Variants in VAMP2 observed in about 807,000 individuals in gnomAD.
The protein encoded by VAMP2 is vesicle associated membrane protein 2.
For synonymous variants in VAMP2, 67 were observed against 57.3 expected (o/e 1.17, Z -0.76); for missense variants, 95 against 151.3 (o/e 0.63, Z 1.95).
rs1360379524 is a variant in VAMP2, at chr17:8,160,295, T to G, written c.*560A>C. 1 of 151,422 alleles carries G rather than the reference T, an allele frequency of 6.6e-6. No individual in the cohort carries two copies. Among genetic ancestry groups the G allele is most frequent in the Non-Finnish European group, 1.5e-5 (1 of 67,930 alleles). The allele number at this position is 151,422 out of a possible 1,614,324, so 9.4% of individuals were successfully genotyped here. On this transcript the variant is annotated 3_prime_UTR_variant, in exon 5 of 5. Coordinates refer to ENST00000316509, the MANE Select transcript of VAMP2 (RefSeq NM_014232.3). ...CTGGACGCTCCCAAAGACCTTGGGA[T>G]TCTTAGGACCAAGTGGGGCCAGTCT...
rs1007407691 is a variant in VAMP2, at chr17:8,160,050, G to A, written c.*805C>T. 1 of 152,252 alleles carries A rather than the reference G, an allele frequency of 6.6e-6. No homozygotes were observed. Among genetic ancestry groups the A allele is most frequent in the African/African-American group, 2.4e-5 (1 of 41,404 alleles). 9.4% of individuals were successfully genotyped at this position (152,252 alleles called of 1,614,324 possible). On this transcript the variant is annotated 3_prime_UTR_variant, in exon 5 of 5. Coordinates refer to ENST00000316509, the MANE Select transcript of VAMP2 (RefSeq NM_014232.3). ...GTAAGGGAGGCAAACTGGACTAGAG[G>A]GGCTAGGAGGAGGCAATGCTGGGGA...
Position 8,162,234 on chromosome 17 carries a change from T to TC in VAMP2, c.123+14dup, listed in dbSNP as rs771496944. On this transcript the variant is annotated intron_variant, in intron 2 of 4. Transcript: ENST00000316509. ...CAGGGTCCCTCCTACTGCTTTTGAC[T>TC]CCCCCCACACTCACCTCATCCACCT... The TC allele has an allele frequency of 4.6e-6, 7 of 1,515,508 alleles. No homozygotes were observed. The highest frequency in any genetic ancestry group is 1.4e-5 in the African/African-American group (1 of 70,814). The allele number at this position is 1,515,508 out of a possible 1,614,324, so 93.9% of individuals were successfully genotyped here. A position where few individuals can be genotyped will look rare whatever the true frequency, so the allele number is the denominator to read the frequency against.
At chr17:8,162,156 A>C (rs1983333495) in intron 2 of VAMP2, 93 bp downstream of exon 2, 6 of 1,478,908 alleles carry the variant, frequency 4.1e-6, no homozygotes, top group Non-Finnish European at 5.4e-6. Flanking sequence ...CACAGGCGTG[A>C]ACTGTCATCA....
rs770555886 is a variant in VAMP2 at position 8,161,713 on chromosome 17, C to T, written c.177G>A (p.Lys59=). The change falls in exon 3 of 5, where the codon AAG becomes AAA. Residue 59 remains lysine, a synonymous_variant. Transcript: ENST00000316509. The part of the protein sequence containing the change: ...NVDKVLERDQ[K]LSELDDRADA... ...CTGCACGGTCGTCCAGCTCCGACAG[C>T]TTCTGGTCTCGCTCCAGGACCTTGT... 7.4e-6 allele frequency: 12 copies of T among 1,614,086 alleles called. No individual in the cohort carries two copies. The Admixed American group carries it at 2.0e-4, about 27-fold the overall frequency.
At chr17:8,160,978 C>T (rs1472415519) in intron 4 of VAMP2, 107 bp from the exon 5 acceptor site, 23 of 991,876 alleles carry the variant, frequency 2.3e-5, no homozygotes, top group Non-Finnish European at 3.2e-5. Context: ...TCCCCACTCC[C>T]CAGCTGGCTG....
chr17:8,162,798 C>T, intron 1 of VAMP2, 80 bp downstream of exon 1: 2 of 1,217,488 alleles, frequency 1.6e-6, no homozygotes, highest in Non-Finnish European at 2.0e-6. Context: ...GGAGAGACCC[C>T]GGGCACTCCC....
intron 2 of VAMP2, 55 bp downstream of exon 2, chr17:8,162,194 C>T (rs1047748963): frequency 2.7e-6 from 4 of 1,501,166 alleles, no homozygotes; most frequent in Non-Finnish European, 3.5e-6. Flanking sequence ...GCCCCTACAC[C>T]TATACGCCAA....
At position 8,160,739 on chromosome 17, in the gene VAMP2, C is replaced by A; in HGVS notation, c.*116G>T. On this transcript the variant is annotated 3_prime_UTR_variant, in exon 5 of 5. Transcript: ENST00000316509. ...ATTTACAGGGGGACACACACACGGA[C>A]ACACACACACACGGATCCAGGGGAG... The A allele has an allele frequency of 6.3e-6, 4 of 632,706 alleles. No individual in the cohort carries two copies. The highest frequency in any genetic ancestry group is 1.9e-5 in the African/African-American group (1 of 52,172). 39.2% of individuals were successfully genotyped at this position (632,706 alleles called of 1,614,324 possible).
intron 4 of VAMP2, chr17:8,161,164 G>GCCC (rs1355072477): frequency 1.8e-6 from 1 of 560,898 alleles, no homozygotes; most frequent in Non-Finnish European, 3.1e-6. Flanking sequence ...CATGTCTCAA[G>GCCC]CCCCTGGTCC....
chr17:8,162,252 A>C lies in VAMP2; in HGVS notation c.120T>G (p.Asp40Glu). 6.5e-7 allele frequency: 1 copy of C among 1,544,150 alleles called. No individual in the cohort carries two copies. The highest frequency in any genetic ancestry group is 8.7e-7 in the Non-Finnish European group (1 of 1,150,124). Reference sequence around the variant, plus strand: ...TTTTGACTCCCCCCACACTCACCTCATCCACCTGGGCCTGGGTCTGCTGCA... The same window carrying C: ...TTTTGACTCCCCCCACACTCACCTCCTCCACCTGGGCCTGGGTCTGCTGCA... Reference protein sequence around the residue: ...RRLQQTQAQVDEVVDIMRVNV... With the variant: ...RRLQQTQAQVEEVVDIMRVNV... Residue 40 changes from aspartate (D) to glutamate (E), a missense_variant, in exon 2 of 5, where the codon GAT (aspartate) becomes GAG (glutamate). By Grantham distance (45) the Asp-to-Glu change is conservative. Transcript: ENST00000316509.
At position 8,160,082 on chromosome 17, in the gene VAMP2, C is replaced by A. The variant is rs1311645685; in HGVS notation, c.*773G>T. The A allele has an allele frequency of 6.6e-6, 1 of 152,212 alleles. No homozygotes were observed. Among genetic ancestry groups the A allele is most frequent in the Non-Finnish European group, 1.5e-5 (1 of 68,076 alleles). The allele number at this position is 152,212 out of a possible 1,614,324, so 9.4% of individuals were successfully genotyped here. On this transcript the variant is annotated 3_prime_UTR_variant, in exon 5 of 5. Transcript: ENST00000316509. ...GAGGAGGCAATGCTGGGGACCAGAG[C>A]AGCCTGGTTCCCCAAAAGCCCAGGC...
At position 8,161,467 on chromosome 17, in the gene VAMP2, A is replaced by G. The variant is rs1209730985; in HGVS notation, c.334+6T>C. On this transcript the variant is annotated splice_donor_region_variant and intron_variant, in intron 4 of 4. Coordinates refer to ENST00000316509, the MANE Select transcript of VAMP2 (RefSeq NM_014232.3). The stretch of plus-strand genomic sequence containing the variant: ...AAAGGGCCCCGGCCATTCTCACCCT[A>G]CTCACCTATGATGATGATGAGGATG... 1 of 1,613,878 alleles carries G rather than the reference A, an allele frequency of 6.2e-7. No individual in the cohort carries two copies. The highest frequency in any genetic ancestry group is 8.5e-7 in the Non-Finnish European group (1 of 1,179,980).
chr17:8,161,448 C>T lies in VAMP2; in HGVS notation c.334+25G>A, dbSNP rs776688281. 2.5e-6 allele frequency: 4 copies of T among 1,613,518 alleles called. No individual in the cohort carries two copies. The African/African-American group carries it at 4.0e-5, about 16-fold the overall frequency. On this transcript the variant is annotated intron_variant, in intron 4 of 4. Transcript: ENST00000316509. Reference sequence around the variant, plus strand: ...TGGGGAAACCTCTCCAGGGAAAGGGCCCCGGCCATTCTCACCCTACTCACC... The same window carrying T: ...TGGGGAAACCTCTCCAGGGAAAGGGTCCCGGCCATTCTCACCCTACTCACC...
chr17:8,162,380 G>A lies in VAMP2; in HGVS notation c.3-11C>T. ...GCAGCGGTAGCAGACCTGAGGAGCA[G>A]GGACGGATTAAGACCCAGGGCCTGC... On this transcript the variant is annotated splice_polypyrimidine_tract_variant and intron_variant, in intron 1 of 4. Transcript: ENST00000316509. 3.1e-6 allele frequency: 5 copies of A among 1,611,384 alleles called. No homozygotes were observed. The highest frequency in any genetic ancestry group is 3.4e-6 in the Non-Finnish European group (4 of 1,179,162).
rs1276193532 is a variant in VAMP2 at position 8,159,503 on chromosome 17, T to C, written c.*1352A>G. ...AGAGGACAGCTCTCTCTGGGCTCAATAGTCCTGGAGAGGGGCAAGCATCCC... is the reference window on the plus strand; with the variant it reads ...AGAGGACAGCTCTCTCTGGGCTCAACAGTCCTGGAGAGGGGCAAGCATCCC... On this transcript the variant is annotated 3_prime_UTR_variant, in exon 5 of 5. Coordinates refer to ENST00000316509, the MANE Select transcript of VAMP2 (RefSeq NM_014232.3). 1.3e-5 allele frequency: 2 copies of C among 152,564 alleles called. No homozygotes were observed. The highest frequency in any genetic ancestry group is 2.4e-5 in the African/African-American group (1 of 41,388). The allele number at this position is 152,564 out of a possible 1,614,324, so 9.5% of individuals were successfully genotyped here. A position where few individuals can be genotyped will look rare whatever the true frequency, so the allele number is the denominator to read the frequency against.
chr17:8,161,791 G>T, intron 2 of VAMP2, 25 bp from the exon 3 acceptor site: 2 of 1,604,870 alleles, frequency 1.2e-6, no homozygotes, highest in Non-Finnish European at 1.7e-6. Context: ...CACGAGGCAG[G>T]GGGGTGTGCC....
At chr17:8,162,755 G>T (rs1454668703) in intron 1 of VAMP2, 123 bp downstream of exon 1, 3 of 1,264,224 alleles carry the variant, frequency 2.4e-6, no homozygotes, top group African/African-American at 1.6e-5. Flanking sequence ...GCAGTCACCG[G>T]CTTGGGCCTG....
intron 2 of VAMP2, 67 bp from the exon 3 acceptor site, chr17:8,161,833 CAT>C (rs1051668957): frequency 6.0e-5 from 95 of 1,572,780 alleles, no homozygotes; most frequent in South Asian, 4.6e-4. Context: ...AATCCTCAAA[CAT>C]GTGCCCACCG....
Position 8,162,317 on chromosome 17 carries a change from G to T in VAMP2, c.55C>A (p.Pro19Thr). Reference protein sequence around the residue: ...PPAAPAGEGGPPAPPPNLTSN... With the variant: ...PPAAPAGEGGTPAPPPNLTSN... Reference sequence around the variant, plus strand: ...GTGAGGTTTGGAGGGGGTGCAGGGGGACCACCCTCCCCAGCCGGGGCAGCA... The same window carrying T: ...GTGAGGTTTGGAGGGGGTGCAGGGGTACCACCCTCCCCAGCCGGGGCAGCA... The change falls in exon 2 of 5, where the codon CCC becomes ACC. Residue 19 changes from proline to threonine, a missense_variant. Pro to Thr is a conservative substitution (Grantham distance 38). Coordinates refer to ENST00000316509, the MANE Select transcript of VAMP2 (RefSeq NM_014232.3). The T allele has an allele frequency of 6.2e-7, 1 of 1,602,202 alleles. No homozygotes were observed. Among genetic ancestry groups the T allele is most frequent in the Non-Finnish European group, 8.5e-7 (1 of 1,176,012 alleles).
Sources: allele counts gnomAD v4.1 joint callset, GRCh38; gene constraint gnomAD v4.1.1; transcripts MANE v1.5; gene names NCBI Gene and HGNC (gene_info 2026-07-23, HGNC 2026-07-21).